The following IQGAP1 variants were observed in gnomAD, a reference collection of about 807,000 sequenced individuals.
IQGAP1 encodes IQ motif containing GTPase activating protein 1, also known as ras GTPase-activating-like protein IQGAP1.
Under a neutral mutation model 215.6 loss-of-function variants are expected in IQGAP1, and 66 were observed. That is an observed-to-expected ratio of 0.31 (90% CI 0.25 to 0.38). The LOEUF (loss-of-function observed/expected upper bound fraction) is 0.38, where lower values mean the gene tolerates loss of function less well. Ranked by LOEUF, IQGAP1 falls within the 10% of genes least tolerant of loss-of-function variation. IQGAP1 has a pLI of 1.00. For synonymous variants in IQGAP1, 772 were observed against 728.7 expected, an observed-to-expected ratio of 1.06 and a Z score of -0.96; for missense variants, 1,712 against 1,997.1, an observed-to-expected ratio of 0.86 and a Z score of 2.72.
chr15:90,486,879 T>TTA, intron 31 of IQGAP1, 75 bp from the exon 32 acceptor site: 1 of 1,429,946 alleles, frequency 7.0e-7, no homozygotes, highest in Non-Finnish European at 9.7e-7. Flanking sequence ...TTGCATCATC[T>TTA]TATATTTGTA....
intron 2 of IQGAP1, among the ~76,000 whole-genome samples, chr15:90,419,720 T>C (rs1965106107): frequency 1.3e-5 from 2 of 152,208 alleles, no homozygotes. Context: ...GTTTAGCAGC[T>C]CTATATTCGG....
chr15:90,473,022 C>G lies in IQGAP1; in HGVS notation c.2349+12C>G. ...TCACCTGCATTCAGGTATTTCAGAA[C>G]CTATCACACAGACAGCAAGCGGGCA... On this transcript the variant is annotated intron_variant, in intron 19 of 37. Coordinates refer to ENST00000268182, the MANE Select transcript of IQGAP1 (RefSeq NM_003870.4). The G allele has an allele frequency of 5.6e-6, 9 of 1,611,568 alleles. No homozygotes were observed. The highest frequency in any genetic ancestry group is 7.6e-6 in the Non-Finnish European group (9 of 1,178,208).
chr15:90,426,898 AG>A (rs1259845442), intron 3 of IQGAP1, among the ~76,000 whole-genome samples: 1 of 150,142 alleles, frequency 6.7e-6, no homozygotes, highest in Non-Finnish European at 1.5e-5. Context: ...GGTTGCAGTG[AG>A]CCGAGATCAT....
At chr15:90,424,776 T>A (rs1471488796) in intron 2 of IQGAP1, among the ~76,000 whole-genome samples, 1 of 151,188 alleles carries the variant, frequency 6.6e-6, no homozygotes, top group South Asian at 2.1e-4. Context: ...GAGGCAGAGG[T>A]TGTAGTGAGC....
At chr15:90,441,753 AAAC>A (rs891412876) in intron 8 of IQGAP1, 69 bp downstream of exon 8, 2 of 1,120,434 alleles carry the variant, frequency 1.8e-6, no homozygotes, top group African/African-American at 3.2e-5. Context: ...GCTCCAGTTT[AAAC>A]ATCAGTTTTA....
intron 14 of IQGAP1, among the ~76,000 whole-genome samples, chr15:90,455,378 C>T (rs1426972240): frequency 6.6e-6 from 1 of 152,156 alleles, no homozygotes; most frequent in Non-Finnish European, 1.5e-5. Context: ...CATCCTTAAA[C>T]TCTCATGAGG....
At chr15:90,456,893 AAT>A (rs58278172) in intron 15 of IQGAP1, among the ~76,000 whole-genome samples, 25,139 of 139,150 alleles carry the variant, frequency 0.18, 2,379 homozygotes, top group Middle Eastern at 0.22. Flanking sequence ...GTCTCAAAAA[AAT>A]ATATATATAT....
chr15:90,467,571 G>A lies in IQGAP1; in HGVS notation c.2157G>A (p.Gln719=). 1 of 1,611,140 alleles carries A rather than the reference G, an allele frequency of 6.2e-7. No homozygotes were observed. The highest frequency in any genetic ancestry group is 8.5e-7 in the Non-Finnish European group (1 of 1,178,974). Residue 719 remains glutamine (Q), a synonymous_variant, in exon 18 of 38, where the codon CAG becomes CAA. Transcript: ENST00000268182. ...CAAATTTTGTGCAAAATTCTATGCAGCTTTCTCGGGAGGAGATCCAGGTAG... is the reference window on the plus strand; with the variant it reads ...CAAATTTTGTGCAAAATTCTATGCAACTTTCTCGGGAGGAGATCCAGGTAG... ...EPPNFVQNSM[Q]LSREEIQSSI... is the part of the protein sequence containing the mutation.
intron 5 of IQGAP1, among the ~76,000 whole-genome samples, chr15:90,435,292 C>T (rs1336672855): frequency 1.1e-4 from 16 of 151,992 alleles, no homozygotes; most frequent in Admixed American, 8.5e-4. Context: ...TCCTGGGCAA[C>T]GTAGCGAGAC....
At chr15:90,439,664 A>G (rs1965421611) in intron 6 of IQGAP1, among the ~76,000 whole-genome samples, 1 of 152,250 alleles carries the variant, frequency 6.6e-6, no homozygotes, top group South Asian at 2.1e-4. Flanking sequence ...TAACATATAT[A>G]AAACATAATA....
At chr15:90,403,521 C>T (rs1439362816) in intron 2 of IQGAP1, among the ~76,000 whole-genome samples, 1 of 152,052 alleles carries the variant, frequency 6.6e-6, no homozygotes, top group Non-Finnish European at 1.5e-5. Flanking sequence ...AAGTCTATAT[C>T]CTTAGTCTTC....
chr15:90,444,290 T>TA (rs368829851), intron 9 of IQGAP1, among the ~76,000 whole-genome samples: 1,792 of 77,244 alleles, frequency 0.023, 22 homozygotes, highest in Non-Finnish European at 0.037. Context: ...TATATATATA[T>TA]TTTTTTTTTT....
At chr15:90,422,292 G>A (rs1427156601) in intron 2 of IQGAP1, among the ~76,000 whole-genome samples, 3 of 152,114 alleles carry the variant, frequency 2.0e-5, no homozygotes, top group Non-Finnish European at 4.4e-5. Flanking sequence ...GGGAGGAAGT[G>A]CAAATAGATT....
intron 2 of IQGAP1, among the ~76,000 whole-genome samples, chr15:90,395,249 G>T (rs534235297): frequency 6.6e-6 from 1 of 152,194 alleles, no homozygotes; most frequent in African/African-American, 2.4e-5. Flanking sequence ...TTAAATTGAA[G>T]CTTATTTTTA....
At chr15:90,437,076 A>G (rs984888255) in intron 5 of IQGAP1, among the ~76,000 whole-genome samples, 12 of 123,240 alleles carry the variant, frequency 9.7e-5, no homozygotes, top group South Asian at 2.3e-4. Context: ...TACAAGAAGC[A>G]TGGCTGGGGA....
chr15:90,448,143 A>G (rs1248985058), intron 9 of IQGAP1, among the ~76,000 whole-genome samples: 12 of 152,228 alleles, frequency 7.9e-5, no homozygotes, highest in Admixed American at 7.9e-4. Context: ...CTTTAAAAAT[A>G]TTTTTGAAAC....
At chr15:90,453,936 C>T (rs1965643493) in intron 13 of IQGAP1, among the ~76,000 whole-genome samples, 1 of 152,208 alleles carries the variant, frequency 6.6e-6, no homozygotes, top group Non-Finnish European at 1.5e-5. Context: ...AGATTGATCC[C>T]TGGATTAGGG....
At chr15:90,403,770 T>C (rs1246141327) in intron 2 of IQGAP1, among the ~76,000 whole-genome samples, 2 of 151,954 alleles carry the variant, frequency 1.3e-5, no homozygotes, top group Non-Finnish European at 1.5e-5. Flanking sequence ...ACCTCCAGGG[T>C]TCAAGCGATT....
Position 90,456,220 on chromosome 15 carries a change from C to T in IQGAP1, c.1681C>T (p.Leu561=). 1.2e-6 allele frequency: 2 copies of T among 1,613,990 alleles called. No individual in the cohort carries two copies. ...EGDAQKTLQA[L]QIPAAKLEGV... The stretch of plus-strand genomic sequence containing the variant: ...TGATGCCCAAAAGACTCTGCAGGCC[C>T]TACAGATTCCTGCAGCTAAACTTGA... Residue 561 remains leucine (L), a synonymous_variant, in exon 15 of 38, where the codon CTA becomes TTA. Transcript: ENST00000268182.
Sources: allele counts gnomAD v4.1 joint callset (sites outside exome capture counted in the v4.1 genomes callset), GRCh38; gene constraint gnomAD v4.1.1; transcripts MANE v1.5; gene names NCBI Gene and HGNC (gene_info 2026-07-23, HGNC 2026-07-21).